The following TRAK1 variants were observed in gnomAD, a reference collection of about 807,000 sequenced individuals.
The protein encoded by TRAK1 is trafficking kinesin protein 1.
In TRAK1, 33 loss-of-function variants were observed where a neutral mutation model predicts 92.1. That is an observed-to-expected ratio of 0.36 (90% CI 0.27 to 0.48). TRAK1 has a LOEUF of 0.48. Among genes scored for constraint, TRAK1 ranks in the 20% least tolerant of loss-of-function variants. The probability of loss-of-function intolerance (pLI) is 0.99; values close to 1 mark genes in which losing one functional copy is unlikely to be tolerated. For missense variants in TRAK1, 1,123 were observed against 1,257.9 expected (o/e 0.89, Z 1.62); for synonymous variants, 521 against 517.3 (o/e 1.01, Z -0.10).
chr3:42,097,562 T>C (rs1202562188), intron 1 of TRAK1, among the ~76,000 whole-genome samples: 1 of 152,212 alleles, frequency 6.6e-6, no homozygotes, highest in Non-Finnish European at 1.5e-5. Flanking sequence ...GGAATTTTTA[T>C]TGTCTTTTCT....
intron 2 of TRAK1, among the ~76,000 whole-genome samples, chr3:42,158,551 C>T (rs1314318186): frequency 6.6e-6 from 1 of 151,422 alleles, no homozygotes; most frequent in East Asian, 1.9e-4. Flanking sequence ...ATGTTGAACT[C>T]CCTGCCTGAA....
intron 1 of TRAK1, among the ~76,000 whole-genome samples, chr3:42,096,545 C>T (rs1434101555): frequency 6.6e-5 from 10 of 152,222 alleles, no homozygotes; most frequent in South Asian, 4.1e-4. Flanking sequence ...TGAGCCACCG[C>T]GCATGGCCAA....
At chr3:42,078,610 G>A (rs1448547077) in intron 1 of TRAK1, among the ~76,000 whole-genome samples, 9 of 151,836 alleles carry the variant, frequency 5.9e-5, no homozygotes, top group Non-Finnish European at 7.4e-5. Flanking sequence ...AAAATTAGCC[G>A]GGTGTGGTGG....
chr3:42,099,609 G>A (rs985972899), intron 1 of TRAK1, among the ~76,000 whole-genome samples: 1 of 152,174 alleles, frequency 6.6e-6, no homozygotes, highest in Non-Finnish European at 1.5e-5. Context: ...ACGCAGAGAG[G>A]GAGAGTCATG....
At chr3:42,093,671 C>T (rs1423916494) in intron 1 of TRAK1, among the ~76,000 whole-genome samples, 2 of 15,664 alleles carry the variant, frequency 1.3e-4, no homozygotes, top group Non-Finnish European at 1.7e-4. Context: ...CCTTCCCTCC[C>T]CTCCCCTCCC....
intron 14 of TRAK1, chr3:42,212,332 A>G (rs1709154998): frequency 4.1e-6 from 4 of 985,446 alleles, no homozygotes; most frequent in Non-Finnish European, 4.8e-6. Flanking sequence ...CTGCCTGGGA[A>G]CACTCAGTAG....
intron 1 of TRAK1, among the ~76,000 whole-genome samples, chr3:42,104,523 G>A (rs556422759): frequency 1.4e-4 from 21 of 152,132 alleles, no homozygotes; most frequent in South Asian, 4.1e-4. Flanking sequence ...AGGCAGCAAC[G>A]TCTGCCATCC....
Position 42,081,160 on chromosome 3 carries a change from G to A in TRAK1, c.-518-5944G>A, listed in dbSNP as rs140589354. 6.2e-3 allele frequency among the ~76,000 whole-genome samples: 940 copies of A among 152,296 alleles called. 13 individuals carry two copies. Among genetic ancestry groups the A allele is most frequent in the African/African-American group, 0.022 (908 of 41,556 alleles). On this transcript the variant is annotated intron_variant, in intron 1 of 16. Coordinates refer to the TRAK1 transcript ENST00000487159. ...CCAAAGTGCTAGGATTATGGTGTGA[G>A]CCACTGGGCCTGGCCACTGTGAGCC...
upstream of TRAK1, among the ~76,000 whole-genome samples, chr3:42,090,457 G>A (rs1000084083): frequency 2.0e-5 from 3 of 152,170 alleles, no homozygotes; most frequent in African/African-American, 7.2e-5. Flanking sequence ...AGGCCGAGGC[G>A]GGCAGATCAC....
At chr3:42,172,600 C>T (rs1279174868) in intron 2 of TRAK1, among the ~76,000 whole-genome samples, 1 of 152,164 alleles carries the variant, frequency 6.6e-6, no homozygotes, top group Non-Finnish European at 1.5e-5. Context: ...AGTGGTTTTC[C>T]ATTTAATTCC....
intron 10 of TRAK1, among the ~76,000 whole-genome samples, chr3:42,197,002 TCACACACACA>T (rs773977076): frequency 5.0e-4 from 52 of 103,606 alleles, no homozygotes; most frequent in Admixed American, 1.3e-3. Flanking sequence ...TCTCTCTCTC[TCACACACACA>T]CACACACACA....
chr3:42,045,516 C>A (rs979625889), intron 1 of TRAK1, among the ~76,000 whole-genome samples: 1 of 152,184 alleles, frequency 6.6e-6, no homozygotes, highest in African/African-American at 2.4e-5. Context: ...GCTTGGGCGA[C>A]AGAGCAAGAC....
intron 1 of TRAK1, among the ~76,000 whole-genome samples, chr3:42,031,807 G>A (rs1242014797): frequency 6.6e-6 from 1 of 152,060 alleles, no homozygotes; most frequent in Non-Finnish European, 1.5e-5. Context: ...TTTCCTCACG[G>A]CATGGATAAT....
intron 3 of TRAK1, among the ~76,000 whole-genome samples, chr3:42,183,322 G>A (rs938504936): frequency 2.6e-5 from 4 of 152,100 alleles, no homozygotes; most frequent in African/African-American, 9.6e-5. Flanking sequence ...TTGGGAGGTC[G>A]AGGAGGGCGA....
intron 2 of TRAK1, among the ~76,000 whole-genome samples, chr3:42,156,232 G>A (rs563197869): frequency 2.0e-5 from 3 of 152,332 alleles, no homozygotes; most frequent in South Asian, 2.1e-4. Context: ...ACACTCTCAG[G>A]GAAGATGCCC....
intron 7 of TRAK1, among the ~76,000 whole-genome samples, chr3:42,192,403 G>GCATTTCGTCAAAATACTAAGTATTTTA (rs1705913242): frequency 6.6e-6 from 1 of 151,808 alleles, no homozygotes; most frequent in African/African-American, 2.4e-5. Flanking sequence ...TAAGTATATT[G>GCATTTCGTCAAAATACTAAGTATTTTA]CATTTCGTCA....
chr3:42,116,643 C>A (rs1709196941), intron 1 of TRAK1, among the ~76,000 whole-genome samples: 2 of 152,098 alleles, frequency 1.3e-5, no homozygotes, highest in South Asian at 4.2e-4. Flanking sequence ...TAAAACATTG[C>A]TGTGGGTTTG....
At position 42,113,828 on chromosome 3, in the gene TRAK1, A is replaced by G. The variant is rs937164420; in HGVS notation, c.92-11592A>G. On this transcript the variant is annotated intron_variant, in intron 1 of 15. Coordinates refer to ENST00000327628, the MANE Select transcript of TRAK1 (RefSeq NM_001042646.3). ...CTCAGCCTCCCACAGTGTTGGGATT[A>G]CATACGTGAGCCACTGGGCTGGGCC... Among the ~76,000 whole-genome samples the G allele has an allele frequency of 9.2e-5, 14 of 152,234 alleles. 1 individual carries two copies. Among genetic ancestry groups the G allele is most frequent in the African/African-American group, 3.4e-4 (14 of 41,458 alleles).
At chr3:42,016,108 G>T (rs1432263043) in intron 1 of TRAK1, among the ~76,000 whole-genome samples, 1 of 152,048 alleles carries the variant, frequency 6.6e-6, no homozygotes, top group African/African-American at 2.4e-5. Flanking sequence ...TATTCACATT[G>T]AATGGAGTTC....
Sources: gnomAD v4.1 joint callset for allele counts (sites outside exome capture counted in the v4.1 genomes callset) on GRCh38, gnomAD v4.1.1 for gene constraint, MANE v1.5 for transcripts, NCBI Gene and HGNC (gene_info 2026-07-23, HGNC 2026-07-21) for gene names.